SAPCD2: variants seen among roughly 807,000 people sequenced by gnomAD.
The protein encoded by SAPCD2 is suppressor APC domain containing 2, also known as suppressor APC domain-containing protein 2.
In SAPCD2, 34 loss-of-function variants were observed where a neutral mutation model predicts 37.8. That is an observed-to-expected ratio of 0.90 (90% CI 0.68 to 1.20). SAPCD2 has a LOEUF of 1.20. Ranked by LOEUF, SAPCD2 falls within the 50% of genes most tolerant of loss-of-function variation. The pLI is 0.00. For missense variants in SAPCD2, 572 were observed against 584.7 expected, an observed-to-expected ratio of 0.98 and a Z score of 0.22; for synonymous variants, 275 against 270.3, an observed-to-expected ratio of 1.02 and a Z score of -0.17.
chr9:137,066,461 C>A, intron 1 of SAPCD2, 87 bp from the exon 2 acceptor site: 1 of 1,036,176 alleles, frequency 9.7e-7, no homozygotes, highest in South Asian at 1.6e-5. Flanking sequence ...CATCTCAGCC[C>A]ACCCTCGAGG....
rs542710132 is a variant in SAPCD2 at position 137,062,857 on chromosome 9, G to A, written c.*1802C>T. On this transcript the variant is annotated 3_prime_UTR_variant, in exon 6 of 6. Transcript: ENST00000409687. ...ACCAAGGCTGAAAGGCAGTTTTTCCGGAGGTGCCAGCCTGTCTCACATTTC... is the reference window on the plus strand; with the variant it reads ...ACCAAGGCTGAAAGGCAGTTTTTCCAGAGGTGCCAGCCTGTCTCACATTTC... The A allele has an allele frequency of 2.0e-5, 3 of 152,328 alleles. No individual in the cohort carries two copies. Among genetic ancestry groups the A allele is most frequent in the East Asian group, 1.9e-4 (1 of 5,194 alleles). The allele number at this position is 152,328 out of a possible 1,614,324, so 9.4% of individuals were successfully genotyped here.
At chr9:137,066,460 C>A in intron 1 of SAPCD2, 86 bp from the exon 2 acceptor site, 1 of 1,053,424 alleles carries the variant, frequency 9.5e-7, no homozygotes, top group South Asian at 1.6e-5. Flanking sequence ...ACATCTCAGC[C>A]CACCCTCGAG....
In SAPCD2 at chr9:137,069,938, C is replaced by T. The variant is rs1191875855; in HGVS notation, c.523G>A (p.Glu175Lys). Residue 175 changes from glutamate to lysine, a missense_variant, in exon 1 of 6, where the codon GAG (glutamate) becomes AAG (lysine). Coordinates refer to ENST00000409687, the MANE Select transcript of SAPCD2 (RefSeq NM_178448.4). ...AEAAPCPAEP[E>K]RSQSAALEPS... ...TCCAGCGCCGCGCTCTGGGACCGCT[C>T]GGGCTCCGCGGGGCAGGGCGCCGCC... The T allele has an allele frequency of 1.0e-5, 13 of 1,272,198 alleles. No individual in the cohort carries two copies. The highest frequency in any genetic ancestry group is 4.6e-5 in the African/African-American group (3 of 64,614). The allele number at this position is 1,272,198 out of a possible 1,614,324, so 78.8% of individuals were successfully genotyped here.
Position 137,063,100 on chromosome 9 carries a change from G to A in SAPCD2, c.*1559C>T, listed in dbSNP as rs1385623256. 4 of 152,348 alleles carry A rather than the reference G, an allele frequency of 2.6e-5. No homozygotes were observed. The highest frequency in any genetic ancestry group is 6.5e-5 in the Admixed American group (1 of 15,294). The allele number at this position is 152,348 out of a possible 1,614,324, so 9.4% of individuals were successfully genotyped here. On this transcript the variant is annotated 3_prime_UTR_variant, in exon 6 of 6. Coordinates refer to ENST00000409687, the MANE Select transcript of SAPCD2 (RefSeq NM_178448.4). ...CCTGGCTGCCACTGGCCCACCCACTGCGCTGCAGTCCACCTGGTGCTGGGG... is the reference window on the plus strand; with the variant it reads ...CCTGGCTGCCACTGGCCCACCCACTACGCTGCAGTCCACCTGGTGCTGGGG...
rs1304420532 is a variant in SAPCD2, at chr9:137,064,710, G to A, written c.1134C>T (p.Ala378=). The A allele has an allele frequency of 5.0e-6, 8 of 1,595,158 alleles. No individual in the cohort carries two copies. The highest frequency in any genetic ancestry group is 6.8e-6 in the Non-Finnish European group (8 of 1,172,036). ...KSALIKQLFE[A]RALSQQDGGP... is the part of the protein sequence containing the mutation. ...CCCCGTCCTGCTGGCTCAGGGCGCG[G>A]GCCTCAAACAGCTGCTTAATGAGCG... The change falls in exon 6 of 6, where the codon GCC becomes GCT. Residue 378 remains alanine (A), a synonymous_variant. Coordinates refer to ENST00000409687, the MANE Select transcript of SAPCD2 (RefSeq NM_178448.4).
chr9:137,065,173 C>A lies in SAPCD2; in HGVS notation c.844G>T (p.Ala282Ser). 2.7e-6 allele frequency: 4 copies of A among 1,478,128 alleles called. No individual in the cohort carries two copies. The highest frequency in any genetic ancestry group is 3.6e-6 in the Non-Finnish European group (4 of 1,116,410). The allele number at this position is 1,478,128 out of a possible 1,614,324, so 91.6% of individuals were successfully genotyped here. Residue 282 changes from alanine to serine, a missense_variant, in exon 4 of 6, where the codon GCA becomes TCA. Coordinates refer to ENST00000409687, the MANE Select transcript of SAPCD2 (RefSeq NM_178448.4). ...CGCCCCAGTGGGCGGGGGCTCCCTG[C>A]AGCCCCAAAGTCCTGGGAAGAAAGC... ...QSRASADFGA[A>S]GSPRPLGRLL...
At position 137,070,287 on chromosome 9, in the gene SAPCD2, G is replaced by A. The variant is rs985446433; in HGVS notation, c.174C>T (p.Gly58=). ...CGCGGGGCAGCTCCCGCGCGTCGGT[G>A]CCCTGCCAGCGGGACTCGATCTCGC... ...HLREIESRWQ[G]TDARELPRGV... Residue 58 remains glycine (G), a synonymous_variant, in exon 1 of 6, where the codon GGC becomes GGT. Coordinates refer to ENST00000409687, the MANE Select transcript of SAPCD2 (RefSeq NM_178448.4). 1 of 1,467,208 alleles carries A rather than the reference G, an allele frequency of 6.8e-7. No homozygotes were observed. Among genetic ancestry groups the A allele is most frequent in the Non-Finnish European group, 9.0e-7 (1 of 1,111,944 alleles). 90.9% of individuals were successfully genotyped at this position (1,467,208 alleles called of 1,614,324 possible). A position where few individuals can be genotyped will look rare whatever the true frequency, so the allele number is the denominator to read the frequency against.
intron 1 of SAPCD2, among the ~76,000 whole-genome samples, chr9:137,067,060 T>C (rs1005103875): frequency 3.3e-5 from 5 of 152,114 alleles, no homozygotes; most frequent in African/African-American, 1.2e-4. Flanking sequence ...TGATCTTGGC[T>C]CACTGCAACC....
intron 2 of SAPCD2, 47 bp from the exon 3 acceptor site, chr9:137,065,715 C>G (rs367606713): frequency 6.4e-7 from 1 of 1,555,828 alleles, no homozygotes; most frequent in Admixed American, 1.8e-5. Flanking sequence ...AGTGAGCACG[C>G]ACACGTCCAC....
At chr9:137,067,630 A>T (rs1296280423) in intron 1 of SAPCD2, among the ~76,000 whole-genome samples, 4 of 149,876 alleles carry the variant, frequency 2.7e-5, no homozygotes, top group South Asian at 2.1e-4. Context: ...AAAAATTAGC[A>T]GGGCGTGGTG....
chr9:137,070,005 G>A lies in SAPCD2; in HGVS notation c.456C>T (p.Ser152=). 1 of 1,215,648 alleles carries A rather than the reference G, an allele frequency of 8.2e-7. No individual in the cohort carries two copies. The allele number at this position is 1,215,648 out of a possible 1,614,324, so 75.3% of individuals were successfully genotyped here. Residue 152 remains serine, a synonymous_variant, in exon 1 of 6, where the codon AGC becomes AGT. Coordinates refer to ENST00000409687, the MANE Select transcript of SAPCD2 (RefSeq NM_178448.4). ...GCTGCTCCGGGCTGCGGGCGGCGGCGCTGGGACCGGCCAGAGGGGCGCGCA... is the reference window on the plus strand; with the variant it reads ...GCTGCTCCGGGCTGCGGGCGGCGGCACTGGGACCGGCCAGAGGGGCGCGCA... ...LGVRAPLAGP[S]AAARSPEQLC...
chr9:137,067,710 GT>G (rs2131530752), intron 1 of SAPCD2, among the ~76,000 whole-genome samples: 1 of 143,134 alleles, frequency 7.0e-6, no homozygotes, highest in South Asian at 2.2e-4. Context: ...GGAGGCGGAG[GT>G]TGCAGTGAGC....
chr9:137,067,595 G>C (rs1368053991), intron 1 of SAPCD2, among the ~76,000 whole-genome samples: 1 of 150,856 alleles, frequency 6.6e-6, no homozygotes, highest in South Asian at 2.1e-4. Context: ...CCAACATGGT[G>C]AAACCCTGTC....
chr9:137,070,111 G>A lies in SAPCD2; in HGVS notation c.350C>T (p.Pro117Leu). 1 of 1,190,560 alleles carries A rather than the reference G, an allele frequency of 8.4e-7. No homozygotes were observed. The highest frequency in any genetic ancestry group is 1.0e-6 in the Non-Finnish European group (1 of 962,328). 73.7% of individuals were successfully genotyped at this position (1,190,560 alleles called of 1,614,324 possible). A position where few individuals can be genotyped will look rare whatever the true frequency, so the allele number is the denominator to read the frequency against. The change falls in exon 1 of 6, where the codon CCG becomes CTG. Residue 117 changes from proline to leucine, a missense_variant. By Grantham distance (98) the Pro-to-Leu change is moderately conservative. Coordinates refer to ENST00000409687, the MANE Select transcript of SAPCD2 (RefSeq NM_178448.4). ...RAPARPGDQP[P>L]PPPQRLVFAP... ...GAACACCAGGCGCTGCGGCGGCGGCGGCGGCTGATCCCCGGGCCGGGCCGG... is the reference window on the plus strand; with the variant it reads ...GAACACCAGGCGCTGCGGCGGCGGCAGCGGCTGATCCCCGGGCCGGGCCGG...
chr9:137,064,470 C>T lies in SAPCD2; in HGVS notation c.*189G>A, dbSNP rs1289002280. The T allele has an allele frequency of 6.1e-6, 4 of 652,212 alleles. No individual in the cohort carries two copies. Among genetic ancestry groups the T allele is most frequent in the Non-Finnish European group, 1.0e-5 (4 of 384,586 alleles). The allele number at this position is 652,212 out of a possible 1,614,324, so 40.4% of individuals were successfully genotyped here. A position where few individuals can be genotyped will look rare whatever the true frequency, so the allele number is the denominator to read the frequency against. ...AGGAGCCAAAACGGAGTCAAGCGCT[C>T]GGTGCGGGGACCAGCCGGGGGCAGG... On this transcript the variant is annotated 3_prime_UTR_variant, in exon 6 of 6. Transcript: ENST00000409687.
intron 1 of SAPCD2, among the ~76,000 whole-genome samples, chr9:137,068,816 TG>T (rs961028104): frequency 2.6e-5 from 4 of 152,348 alleles, no homozygotes; most frequent in African/African-American, 9.6e-5. Context: ...TCAAACTGCA[TG>T]GCCACATGGA....
rs1465606824 is a variant in SAPCD2 at position 137,064,019 on chromosome 9, CA to C, written c.*639del. ...GGGTCTGTGGGAGGCACATGCAGGC[CA>C]AGCTCTCGCCCACCCGGCGTGCCGA... is the stretch of plus-strand genomic sequence containing the variant. On this transcript the variant is annotated 3_prime_UTR_variant, in exon 6 of 6. Coordinates refer to ENST00000409687, the MANE Select transcript of SAPCD2 (RefSeq NM_178448.4). 6.2e-6 allele frequency: 1 copy of C among 161,962 alleles called. No homozygotes were observed. Among genetic ancestry groups the C allele is most frequent in the East Asian group, 1.9e-4 (1 of 5,226 alleles). The allele number at this position is 161,962 out of a possible 1,614,324, so 10.0% of individuals were successfully genotyped here. A position where few individuals can be genotyped will look rare whatever the true frequency, so the allele number is the denominator to read the frequency against.
Position 137,064,649 on chromosome 9 carries a change from C to T in SAPCD2, c.*10G>A, listed in dbSNP as rs1480237830. On this transcript the variant is annotated 3_prime_UTR_variant, in exon 6 of 6. Transcript: ENST00000409687. ...AGGCTGGCCCTGGGGGCCCACGCGG[C>T]CCACAAGGACTAGATGAAGGTGGAA... 6.3e-7 allele frequency: 1 copy of T among 1,593,472 alleles called. No homozygotes were observed. The highest frequency in any genetic ancestry group is 1.1e-5 in the South Asian group (1 of 88,166).
At chr9:137,065,004 G>T (rs2131528007) in intron 4 of SAPCD2, 25 bp from the exon 5 acceptor site, 2 of 1,495,864 alleles carry the variant, frequency 1.3e-6, no homozygotes, top group Non-Finnish European at 1.8e-6. Context: ...GATTAGGCAG[G>T]CCTGGACGAG....
Sources: gnomAD v4.1 joint callset for allele counts (sites outside exome capture counted in the v4.1 genomes callset) on GRCh38, gnomAD v4.1.1 for gene constraint, MANE v1.5 for transcripts, NCBI Gene and HGNC (gene_info 2026-07-23, HGNC 2026-07-21) for gene names.